Variants in BEGAIN observed in about 807,000 individuals in gnomAD.
The protein encoded by BEGAIN is brain-enriched guanylate kinase-associated protein.
BEGAIN carries 19 observed loss-of-function variants against 35.8 expected under a neutral mutation model. The observed-to-expected ratio is 0.53, with a 90% CI of 0.37 to 0.78. The LOEUF (loss-of-function observed/expected upper bound fraction) is 0.78, where lower values mean the gene tolerates loss of function less well. BEGAIN is among the 30% of genes least tolerant of loss of function. The pLI, the probability that BEGAIN is intolerant of heterozygous loss-of-function variation, is 0.00. For missense variants in BEGAIN, 795 were observed against 853.6 expected (o/e 0.93, Z 0.85); for synonymous variants, 462 against 388.6 (o/e 1.19, Z -2.22).
At chr14:100,544,903 TGTCCCAGCTCCTGA>T in intron 4 of BEGAIN, 83 bp downstream of exon 4, 2 of 1,196,972 alleles carry the variant, frequency 1.7e-6, no homozygotes, top group African/African-American at 3.0e-5. Context: ...GCAAGACCTG[TGTCCCAGCTCCTGA>T]GTGGCCCAGG....
At chr14:100,557,202 G>A (rs1370399756) in intron 2 of BEGAIN, among the ~76,000 whole-genome samples, 1 of 152,224 alleles carries the variant, frequency 6.6e-6, no homozygotes, top group Admixed American at 6.5e-5. Context: ...GGCTCTGCCA[G>A]CCTCTTCCAG....
At position 100,568,252 on chromosome 14, in the gene BEGAIN, A is replaced by C. The variant is rs891245032; in HGVS notation, c.43-313T>G. 15 of 619,732 alleles carry C rather than the reference A, an allele frequency of 2.4e-5. No homozygotes were observed. Among genetic ancestry groups the C allele is most frequent in the Admixed American group, 1.8e-4 (5 of 27,146 alleles). 38.4% of individuals were successfully genotyped at this position (619,732 alleles called of 1,614,324 possible). ...CAGGGGCGATCTCGGCCTCGCCCGGAGGAGGGGGACTCGGCCTGTCCCCGT... is the reference window on the plus strand; with the variant it reads ...CAGGGGCGATCTCGGCCTCGCCCGGCGGAGGGGGACTCGGCCTGTCCCCGT... On this transcript the variant is annotated intron_variant, in intron 1 of 6. Transcript: ENST00000554140. The surrounding 1 kb of genome is among the most constrained non-coding windows in gnomAD (Gnocchi z 7.5).
Position 100,567,774 on chromosome 14 carries a change from T to TGGCCCGCA in BEGAIN, c.71+129_71+136dup. The TGGCCCGCA allele has an allele frequency of 1.2e-6, 1 of 824,750 alleles. No individual in the cohort carries two copies. The highest frequency in any genetic ancestry group is 1.6e-6 in the Non-Finnish European group (1 of 606,094). The allele number at this position is 824,750 out of a possible 1,614,324, so 51.1% of individuals were successfully genotyped here. A position where few individuals can be genotyped will look rare whatever the true frequency, so the allele number is the denominator to read the frequency against. On this transcript the variant is annotated intron_variant, in intron 2 of 6. Coordinates refer to ENST00000554140, the MANE Select transcript of BEGAIN (RefSeq NM_001385089.1). This position sits in a 1 kb window ranked among gnomAD's most constrained non-coding sequence, Gnocchi z 5.1. ...CACACACGCACCACACACACGCACCTGGCCCGCAGCCCCGCCGAGGCCGCC... is the reference window on the plus strand; with the variant it reads ...CACACACGCACCACACACACGCACCTGGCCCGCAGGCCCGCAGCCCCGCCGAGGCCGCC...
At chr14:100,559,255 C>A (rs1420236309) in intron 2 of BEGAIN, among the ~76,000 whole-genome samples, 1 of 152,120 alleles carries the variant, frequency 6.6e-6, no homozygotes, top group African/African-American at 2.4e-5. Flanking sequence ...TTTCCCAGCA[C>A]CAGCCTGTCA....
chr14:100,585,251 CCCATCCAT>C (rs1370097715), intron 1 of BEGAIN, among the ~76,000 whole-genome samples: 1 of 92,530 alleles, frequency 1.1e-5, no homozygotes, highest in African/African-American at 4.4e-5. Context: ...CTCCCTCCCT[CCCATCCAT>C]CCATCCATCC....
intron 1 of BEGAIN, among the ~76,000 whole-genome samples, chr14:100,583,872 G>C (rs1230054407): frequency 1.3e-5 from 2 of 151,360 alleles, no homozygotes; most frequent in Non-Finnish European, 2.9e-5. Context: ...AATTTTTTTT[G>C]TATTTTTATA....
chr14:100,564,922 C>T (rs1276995468), intron 2 of BEGAIN, among the ~76,000 whole-genome samples: 1 of 152,194 alleles, frequency 6.6e-6, no homozygotes, highest in East Asian at 1.9e-4. Flanking sequence ...GGCCTTTGCA[C>T]CTCTTGGAGG....
Position 100,538,439 on chromosome 14 carries a change from G to A in BEGAIN, c.1369C>T (p.Arg457Cys), listed in dbSNP as rs759826863. 142 of 1,587,814 alleles carry A rather than the reference G, an allele frequency of 8.9e-5. No individual in the cohort carries two copies. The highest frequency in any genetic ancestry group is 1.2e-4 in the Non-Finnish European group (136 of 1,169,394). ...TCAGAGAAGCTGCAGGGTGAGGCGC[G>A]GCCGGCAGCGCTCACGGGGTAGGAG... is the stretch of plus-strand genomic sequence containing the variant. ...AYSYPVSAAG[R>C]ASPCSFSERY... is the part of the protein sequence containing the mutation. Residue 457 changes from arginine to cysteine, a missense_variant, in exon 7 of 7, where the codon CGC (arginine) becomes TGC (cysteine). Around this residue, in one of 3 missense-constraint regions of BEGAIN, gnomAD observed 664 missense variants for 647.7 expected, o/e 1.03. Transcript: ENST00000554140.
intron 1 of BEGAIN, among the ~76,000 whole-genome samples, chr14:100,583,692 CT>C (rs56090356): frequency 6.6e-4 from 72 of 108,984 alleles, no homozygotes; most frequent in East Asian, 2.6e-3. Context: ...GTTTTTCTTC[CT>C]TTTTTTTTTT....
At chr14:100,576,637 C>T (rs1888580) in intron 1 of BEGAIN, among the ~76,000 whole-genome samples, 2,669 of 152,202 alleles carry the variant, frequency 0.018, 55 homozygotes, top group South Asian at 0.11. Context: ...GGGCAGCCCA[C>T]GAGGACCCTC....
chr14:100,559,330 G>A (rs1311401167), intron 2 of BEGAIN, among the ~76,000 whole-genome samples: 1 of 152,178 alleles, frequency 6.6e-6, no homozygotes, highest in African/African-American at 2.4e-5. Context: ...GGGTGGGGCC[G>A]TGCACACCTT....
At chr14:100,545,745 C>T (rs1433126010) in intron 3 of BEGAIN, among the ~76,000 whole-genome samples, 1 of 152,144 alleles carries the variant, frequency 6.6e-6, no homozygotes, top group Non-Finnish European at 1.5e-5. Flanking sequence ...GACTGCACTG[C>T]CCAAGCTTGG....
At chr14:100,574,139 A>G (rs951157557) in intron 1 of BEGAIN, among the ~76,000 whole-genome samples, 26 of 152,208 alleles carry the variant, frequency 1.7e-4, no homozygotes, top group African/African-American at 6.3e-4. Flanking sequence ...GGGGTTCCCC[A>G]GAGCCTCCGC....
intron 2 of BEGAIN, among the ~76,000 whole-genome samples, chr14:100,554,127 G>A (rs954831463): frequency 2.0e-5 from 3 of 152,216 alleles, no homozygotes; most frequent in Non-Finnish European, 2.9e-5. Flanking sequence ...CAGGGCCCCT[G>A]GTGTCAGGAG....
chr14:100,557,439 G>C (rs542059375), intron 2 of BEGAIN, among the ~76,000 whole-genome samples: 1 of 152,332 alleles, frequency 6.6e-6, no homozygotes, highest in South Asian at 2.1e-4. Flanking sequence ...TGCCCGATGT[G>C]CTCCATCCAT....
At position 100,568,782 on chromosome 14, in the gene BEGAIN, C is replaced by G. The variant is rs1400811538; in HGVS notation, c.43-843G>C. 4 of 843,432 alleles carry G rather than the reference C, an allele frequency of 4.7e-6. No homozygotes were observed. The highest frequency in any genetic ancestry group is 1.0e-4 in the South Asian group (2 of 19,140). 52.2% of individuals were successfully genotyped at this position (843,432 alleles called of 1,614,324 possible). ...ACTTCCTGCGTGGAGCTGGGGGCGC[C>G]GGGCGGGCTCTCTATCACCCGGGAG... On this transcript the variant is annotated intron_variant, in intron 1 of 6. Coordinates refer to ENST00000554140, the MANE Select transcript of BEGAIN (RefSeq NM_001385089.1). The surrounding 1 kb of genome is among the most constrained non-coding windows in gnomAD (Gnocchi z 7.5).
In BEGAIN at chr14:100,546,569, G is replaced by C; in HGVS notation, c.165C>G (p.Arg55=). ...GCCGCAGCTCGATCTCCAGGTAGTG[G>C]CGCGTGGAGTCGAACTCGGTCTCGA... ...EKLETEFDST[R]HYLEIELRRA... The change falls in exon 3 of 7, where the codon CGC becomes CGG. Residue 55 remains arginine, a synonymous_variant. Coordinates refer to ENST00000554140, the MANE Select transcript of BEGAIN (RefSeq NM_001385089.1). The C allele has an allele frequency of 6.3e-7, 1 of 1,591,152 alleles. No homozygotes were observed. The highest frequency in any genetic ancestry group is 8.5e-7 in the Non-Finnish European group (1 of 1,172,226).
Position 100,568,175 on chromosome 14 carries a change from A to G in BEGAIN, c.43-236T>C, listed in dbSNP as rs2034879675. The G allele has an allele frequency of 1.2e-6, 1 of 848,670 alleles. No homozygotes were observed. The highest frequency in any genetic ancestry group is 5.0e-5 in the South Asian group (1 of 19,884). 52.6% of individuals were successfully genotyped at this position (848,670 alleles called of 1,614,324 possible). ...CCGCCCGGGCCGCCGCGCTCCCCGC[A>G]CCGAGTTACGCCCCCCGGGGCGAAG... On this transcript the variant is annotated intron_variant, in intron 1 of 6. Transcript: ENST00000554140. The surrounding 1 kb of genome is among the most constrained non-coding windows in gnomAD (Gnocchi z 7.5).
intron 5 of BEGAIN, among the ~76,000 whole-genome samples, chr14:100,542,729 C>T (rs768076601): frequency 3.3e-5 from 5 of 152,248 alleles, no homozygotes; most frequent in East Asian, 1.9e-4. Flanking sequence ...CCAGTTCCAC[C>T]GTCATCTGAG....
Sources: allele counts gnomAD v4.1 joint callset (sites outside exome capture counted in the v4.1 genomes callset), GRCh38; gene constraint gnomAD v4.1.1; regional missense constraint gnomAD v4.1.1; non-coding constraint Gnocchi (gnomAD v3.1); transcripts MANE v1.5; gene names NCBI Gene and HGNC (gene_info 2026-07-23, HGNC 2026-07-21).